Variants in KIAA0825 observed in about 807,000 individuals in gnomAD.
KIAA0825 encodes the protein uncharacterized protein KIAA0825.
KIAA0825 carries 119 observed loss-of-function variants against 147.6 expected under a neutral mutation model. The observed-to-expected ratio is 0.81, with a 90% CI of 0.69 to 0.94. The LOEUF is 0.94. Ranked by LOEUF, KIAA0825 falls within the 40% of genes least tolerant of loss-of-function variation. The probability of loss-of-function intolerance (pLI) is 0.00; values close to 1 mark genes in which losing one functional copy is unlikely to be tolerated. For missense variants in KIAA0825, 1,381 were observed against 1,472.7 expected (o/e 0.94, Z 1.02); for synonymous variants, 470 against 518.1 (o/e 0.91, Z 1.26).
chr5:94,590,196 T>C (rs1784096258), intron 1 of KIAA0825, among the ~76,000 whole-genome samples: 2 of 152,136 alleles, frequency 1.3e-5, no homozygotes, highest in South Asian at 4.1e-4. Context: ...GGTTTCGCAA[T>C]GTTGGCCAGG....
intron 2 of KIAA0825, among the ~76,000 whole-genome samples, chr5:94,544,804 G>C (rs1481524829): frequency 1.3e-5 from 2 of 152,142 alleles, no homozygotes; most frequent in Non-Finnish European, 1.5e-5. Context: ...GAGCAAGAAG[G>C]CTGAATAGAA....
chr5:94,230,388 A>G (rs1344938640), intron 20 of KIAA0825, among the ~76,000 whole-genome samples: 1 of 152,166 alleles, frequency 6.6e-6, no homozygotes, highest in Non-Finnish European at 1.5e-5. Context: ...ACTTTCTACT[A>G]TTCTGCCTTC....
At chr5:94,187,146 A>C (rs1387900964) in intron 20 of KIAA0825, among the ~76,000 whole-genome samples, 2 of 152,172 alleles carry the variant, frequency 1.3e-5, no homozygotes, top group Non-Finnish European at 2.9e-5. Flanking sequence ...CTGCTAAAAT[A>C]ATCCATGCAG....
chr5:94,500,936 C>A (rs937953103), intron 5 of KIAA0825, among the ~76,000 whole-genome samples: 4 of 152,120 alleles, frequency 2.6e-5, no homozygotes, highest in African/African-American at 9.7e-5. Context: ...CGCCACCACA[C>A]CCAGCTAATT....
At chr5:94,577,953 C>T (rs1781375383) in intron 2 of KIAA0825, among the ~76,000 whole-genome samples, 1 of 152,134 alleles carries the variant, frequency 6.6e-6, no homozygotes, top group South Asian at 2.1e-4. Context: ...GAACTAATTG[C>T]ACTAAACTTA....
chr5:94,245,408 C>G (rs1308262103), intron 20 of KIAA0825, among the ~76,000 whole-genome samples: 1 of 152,106 alleles, frequency 6.6e-6, no homozygotes, highest in Admixed American at 6.5e-5. Flanking sequence ...AAAACTGAAG[C>G]CTGCTTATAA....
chr5:94,598,224 T>C (rs368018555), intron 1 of KIAA0825, among the ~76,000 whole-genome samples: 7 of 152,264 alleles, frequency 4.6e-5, no homozygotes, highest in East Asian at 3.9e-4. Context: ...CCTTATTCTA[T>C]AAGTTTTTAA....
At chr5:94,547,581 CA>C (rs1320100921) in intron 2 of KIAA0825, among the ~76,000 whole-genome samples, 1 of 151,794 alleles carries the variant, frequency 6.6e-6, no homozygotes, top group Non-Finnish European at 1.5e-5. Flanking sequence ...ACTAAAGATA[CA>C]AAAAATTGGC....
chr5:94,354,800 C>G (rs1379923269), intron 20 of KIAA0825, among the ~76,000 whole-genome samples: 8 of 152,150 alleles, frequency 5.3e-5, no homozygotes, highest in Non-Finnish European at 1.5e-5. Flanking sequence ...ATAAAAATCT[C>G]AACGAAAAGA....
chr5:94,475,784 G>A (rs1293908582), intron 7 of KIAA0825, among the ~76,000 whole-genome samples: 4 of 152,064 alleles, frequency 2.6e-5, no homozygotes, highest in South Asian at 2.1e-4. Context: ...ACTCCAGCAC[G>A]GGTGACAGAG....
chr5:94,471,330 C>G, intron 9 of KIAA0825, 136 bp downstream of exon 9: 1 of 965,030 alleles, frequency 1.0e-6, no homozygotes, highest in Non-Finnish European at 1.5e-6. Flanking sequence ...CTAGTTAAGA[C>G]AAATGAAAAT....
chr5:94,458,752 T>TTA (rs1554284768), intron 12 of KIAA0825, among the ~76,000 whole-genome samples: 31 of 147,856 alleles, frequency 2.1e-4, no homozygotes, highest in African/African-American at 2.7e-4. Flanking sequence ...ACCTTTTTTT[T>TTA]AAAAAAAAAA....
chr5:94,594,768 G>A (rs1006207460), intron 1 of KIAA0825: 10 of 597,740 alleles, frequency 1.7e-5, no homozygotes, highest in Admixed American at 1.5e-4. Flanking sequence ...GAGAGAACAT[G>A]CATTTAGAGA....
chr5:94,300,825 G>A (rs1778363557), intron 20 of KIAA0825, among the ~76,000 whole-genome samples: 1 of 152,156 alleles, frequency 6.6e-6, no homozygotes, highest in Non-Finnish European at 1.5e-5. Context: ...ACAATTGACA[G>A]GTAGCCCATT....
chr5:94,405,970 A>G (rs1752004851), intron 15 of KIAA0825, among the ~76,000 whole-genome samples: 1 of 151,900 alleles, frequency 6.6e-6, no homozygotes. Context: ...CTCTGTCACC[A>G]GGCTGGAGTT....
At chr5:94,344,364 T>C (rs1334206948) in intron 20 of KIAA0825, among the ~76,000 whole-genome samples, 2 of 152,192 alleles carry the variant, frequency 1.3e-5, no homozygotes, top group Non-Finnish European at 2.9e-5. Flanking sequence ...TTATTTCATG[T>C]ATGTAAAGTT....
intron 20 of KIAA0825, among the ~76,000 whole-genome samples, chr5:94,256,099 A>C (rs894793702): frequency 2.6e-5 from 4 of 152,042 alleles, no homozygotes; most frequent in African/African-American, 9.7e-5. Context: ...TTGTTAGTGA[A>C]GGATGAAGTC....
At chr5:94,570,068 C>G (rs1470314762) in intron 2 of KIAA0825, 1 of 152,526 alleles carries the variant, frequency 6.6e-6, no homozygotes, top group African/African-American at 2.4e-5. Flanking sequence ...CACCCTCACA[C>G]GATTCTTTAC....
intron 20 of KIAA0825, among the ~76,000 whole-genome samples, chr5:94,196,242 G>A (rs146250698): frequency 2.3e-3 from 344 of 152,140 alleles, no homozygotes; most frequent in African/African-American, 7.7e-3. Flanking sequence ...ATTTTTTCCT[G>A]TATCAGCTCT....
Sources: gnomAD v4.1 joint callset for allele counts (sites outside exome capture counted in the v4.1 genomes callset) on GRCh38, gnomAD v4.1.1 for gene constraint, MANE v1.5 for transcripts, NCBI Gene and HGNC (gene_info 2026-07-23, HGNC 2026-07-21) for gene names.